LYRM4: variants seen among roughly 807,000 people sequenced by gnomAD.
The protein encoded by LYRM4 is LYR motif containing 4, also known as LYR motif-containing protein 4.
A neutral mutation model predicts 11.7 loss-of-function variants in LYRM4; 9 were observed. That is an observed-to-expected ratio of 0.77 (90% confidence interval 0.46 to 1.34). The LOEUF is 1.34. Among genes scored for constraint, LYRM4 ranks in the 40% most tolerant of loss-of-function variants. LYRM4 has a pLI of 0.00. For missense variants in LYRM4, 133 were observed against 112.5 expected (o/e 1.18, Z -0.82); for synonymous variants, 42 against 40.4 (o/e 1.04, Z -0.15).
At chr6:5,201,643 G>A (rs748651653) in intron 2 of LYRM4, among the ~76,000 whole-genome samples, 3 of 152,022 alleles carry the variant, frequency 2.0e-5, no homozygotes, top group South Asian at 2.1e-4. Context: ...CTCTCTGTGC[G>A]CTCCTGAAGA....
At chr6:5,255,987 ATCCTAAG>A (rs1354838431) in intron 1 of LYRM4, among the ~76,000 whole-genome samples, 1 of 152,156 alleles carries the variant, frequency 6.6e-6, no homozygotes. Context: ...ACCAGGGACT[ATCCTAAG>A]TACTTGATGT....
the LYRM4 span, chr6:5,085,553 C>T: frequency 1.3e-6 from 2 of 1,541,610 alleles, no homozygotes; most frequent in Non-Finnish European, 1.7e-6. Flanking sequence ...GAGGCCCCGC[C>T]GGCCGAGGAG....
the LYRM4 span, among the ~76,000 whole-genome samples, chr6:5,035,000 T>A: frequency 6.6e-6 from 1 of 151,954 alleles, no homozygotes; most frequent in South Asian, 2.1e-4. Context: ...AAGAGTTATG[T>A]GGAAGGGCAG....
At chr6:5,172,081 G>A (rs116618185) in intron 2 of LYRM4, among the ~76,000 whole-genome samples, 2,001 of 152,176 alleles carry the variant, frequency 0.013, 39 homozygotes, top group African/African-American at 0.044. Flanking sequence ...AATGCAAAGA[G>A]TCAACACCCA....
chr6:5,195,697 T>A (rs1431698721), intron 2 of LYRM4, among the ~76,000 whole-genome samples: 1 of 152,120 alleles, frequency 6.6e-6, no homozygotes, highest in African/African-American at 2.4e-5. Flanking sequence ...AGGACCTCAG[T>A]GTCTGCTTGG....
chr6:5,072,030 C>T, the LYRM4 span, among the ~76,000 whole-genome samples: 1 of 152,124 alleles, frequency 6.6e-6, no homozygotes, highest in Admixed American at 6.6e-5. Flanking sequence ...ACCATGTGCC[C>T]ATGTGTTCTC....
intron 2 of LYRM4, among the ~76,000 whole-genome samples, chr6:5,144,993 G>A (rs1322681816): frequency 2.6e-5 from 4 of 152,200 alleles, no homozygotes; most frequent in Non-Finnish European, 5.9e-5. Flanking sequence ...GGCTCCCGGA[G>A]AAGGACACAC....
intron 1 of LYRM4, among the ~76,000 whole-genome samples, chr6:5,234,439 T>C (rs1448838062): frequency 6.6e-6 from 1 of 152,206 alleles, no homozygotes; most frequent in Non-Finnish European, 1.5e-5. Flanking sequence ...ACAAAGCTCC[T>C]GGTATTGGGC....
chr6:5,222,270 A>G (rs1762624692), intron 1 of LYRM4, among the ~76,000 whole-genome samples: 1 of 152,244 alleles, frequency 6.6e-6, no homozygotes, highest in Non-Finnish European at 1.5e-5. Flanking sequence ...GACCTTCAAG[A>G]AAAGTACCAA....
chr6:5,136,211 C>T (rs1757090529), intron 2 of LYRM4: 1 of 884,872 alleles, frequency 1.1e-6, no homozygotes, highest in Admixed American at 6.2e-5. Context: ...GGGCAAGTAT[C>T]CTTTTGAGTC....
the LYRM4 span, among the ~76,000 whole-genome samples, chr6:5,061,131 T>C: frequency 1.3e-5 from 2 of 152,208 alleles, no homozygotes; most frequent in Non-Finnish European, 2.9e-5. Context: ...AGTTAATTAA[T>C]TGTATTTTTT....
At chr6:5,056,601 C>T in the LYRM4 span, among the ~76,000 whole-genome samples, 11 of 152,316 alleles carry the variant, frequency 7.2e-5, no homozygotes, top group East Asian at 5.8e-4. Context: ...TATCCAATAG[C>T]AACAATCACA....
chr6:5,136,479 C>G, intron 2 of LYRM4: 1 of 959,576 alleles, frequency 1.0e-6, no homozygotes, highest in Non-Finnish European at 1.2e-6. Flanking sequence ...GCTCCGAAAC[C>G]TTGGGTTTCA....
intron 2 of LYRM4, among the ~76,000 whole-genome samples, chr6:5,126,567 G>C (rs2127608008): frequency 6.6e-6 from 1 of 152,278 alleles, no homozygotes; most frequent in Admixed American, 6.5e-5. Context: ...CCGCCAAGAA[G>C]TGAAAACAGC....
chr6:5,187,118 T>C (rs1227290893), intron 2 of LYRM4: 2 of 701,780 alleles, frequency 2.8e-6, no homozygotes, highest in African/African-American at 1.9e-5. Context: ...GAAATGCACA[T>C]GCTAATAGCA....
At chr6:5,257,553 G>A (rs1764736210) in intron 1 of LYRM4, among the ~76,000 whole-genome samples, 1 of 152,194 alleles carries the variant, frequency 6.6e-6, no homozygotes, top group African/African-American at 2.4e-5. Context: ...GTACTGGTCC[G>A]TGGCCTGTTA....
At chr6:5,087,157 C>G in the LYRM4 span, 1 of 152,392 alleles carries the variant, frequency 6.6e-6, no homozygotes, top group South Asian at 2.1e-4. Context: ...CCAGACTTGA[C>G]GTTGTTTATT....
At chr6:5,136,272 A>C in intron 2 of LYRM4, 1 of 983,686 alleles carries the variant, frequency 1.0e-6, no homozygotes, top group Non-Finnish European at 1.2e-6. Flanking sequence ...TCACTAGATC[A>C]TTTGGTCATT....
chr6:5,108,012 A>G (rs1174788049), downstream of LYRM4: 2 of 152,258 alleles, frequency 1.3e-5, no homozygotes, highest in East Asian at 3.8e-4. Context: ...TCTCAAAAAA[A>G]AAGACTTTAT....
Sources: gnomAD v4.1 joint callset for allele counts (sites outside exome capture counted in the v4.1 genomes callset) on GRCh38, gnomAD v4.1.1 for gene constraint, MANE v1.5 for transcripts, NCBI Gene and HGNC (gene_info 2026-07-23, HGNC 2026-07-21) for gene names.